PTCHD1: variants seen among roughly 807,000 people sequenced by gnomAD.
PTCHD1 encodes patched domain containing 1.
In PTCHD1, 3 loss-of-function variants were observed where a neutral mutation model predicts 34.6. The observed-to-expected ratio is 0.09, with a 90% CI of 0.04 to 0.22. The LOEUF (loss-of-function observed/expected upper bound fraction) is 0.22, where lower values mean the gene tolerates loss of function less well. Ranked by LOEUF, PTCHD1 falls within the 10% of genes least tolerant of loss-of-function variation. PTCHD1 has a pLI of 1.00. For synonymous variants in PTCHD1, 305 were observed against 283.1 expected (o/e 1.08, Z -0.77); for missense variants, 504 against 685.5 (o/e 0.74, Z 2.96).
chrX:23,392,224 A>G lies in PTCHD1; in HGVS notation c.1013-307A>G, dbSNP rs189986215. Among the ~76,000 whole-genome samples the G allele has an allele frequency of 4.5e-3, 489 of 108,858 alleles. 3 individuals carry two copies. The highest frequency in any genetic ancestry group is 6.8e-3 in the Non-Finnish European group (358 of 52,455). The allele number at this position is 108,858 out of a possible 115,157, so 94.5% of individuals were successfully genotyped here. On this transcript the variant is annotated intron_variant, in intron 2 of 2. Transcript: ENST00000379361. ...CATGACTGGCTCTACTCAGCTTTCT[A>G]TAGGCAAAAGTTCATCTAAGTGCTG...
intron 1 of PTCHD1, among the ~76,000 whole-genome samples, chrX:23,360,368 T>C (rs1298026812): frequency 1.8e-5 from 2 of 112,080 alleles, no homozygotes; most frequent in East Asian, 2.8e-4. Context: ...CTTCCTGGTT[T>C]AGTCTTGGGA....
chrX:23,369,691 C>A (rs1922230012), intron 1 of PTCHD1, among the ~76,000 whole-genome samples: 1 of 111,716 alleles, frequency 9.0e-6, no homozygotes, highest in Admixed American at 9.5e-5. Context: ...CTTCTTTTAC[C>A]CCTACCATCT....
Position 23,380,370 on chromosome X carries a change from C to G in PTCHD1, c.1012+119C>G. The G allele has an allele frequency of 4.1e-6, 3 of 724,790 alleles. No individual in the cohort carries two copies. The South Asian group carries it at 6.6e-5, about 16-fold the overall frequency. 59.7% of individuals were successfully genotyped at this position (724,790 alleles called of 1,213,427 possible). ...CATTTAACAGTATCTTCATTTTGCC[C>G]AAAAGTCCTGGGACCCACTCTATAA... On this transcript the variant is annotated intron_variant, in intron 2 of 2. Coordinates refer to ENST00000379361, the MANE Select transcript of PTCHD1 (RefSeq NM_173495.3).
chrX:23,378,299 G>A (rs1023018953), intron 1 of PTCHD1, among the ~76,000 whole-genome samples: 2 of 111,716 alleles, frequency 1.8e-5, no homozygotes, highest in African/African-American at 6.5e-5. Context: ...GCCTCCCTGA[G>A]CCCCAGTTTT....
intron 1 of PTCHD1, among the ~76,000 whole-genome samples, chrX:23,375,097 G>T (rs1922374303): frequency 9.0e-6 from 1 of 111,375 alleles, no homozygotes; most frequent in Non-Finnish European, 1.9e-5. Flanking sequence ...AAGAAAAATC[G>T]TTAAACTCTA....
intron 1 of PTCHD1, among the ~76,000 whole-genome samples, chrX:23,360,373 T>G (rs1308276836): frequency 8.9e-6 from 1 of 112,099 alleles, no homozygotes; most frequent in African/African-American, 3.2e-5. Context: ...TGGTTTAGTC[T>G]TGGGAGGTTG....
At chrX:23,387,292 T>C (rs7889469) in intron 2 of PTCHD1, among the ~76,000 whole-genome samples, 11,410 of 111,265 alleles carry the variant, frequency 0.1, 1,003 homozygotes, top group African/African-American at 0.28. Flanking sequence ...TAAACAACCC[T>C]GAAGGCTTTG....
chrX:23,389,393 T>C (rs1290558761), intron 2 of PTCHD1, among the ~76,000 whole-genome samples: 1 of 111,859 alleles, frequency 8.9e-6, no homozygotes, highest in Admixed American at 9.4e-5. Flanking sequence ...CCTTAAGAGG[T>C]GACCACAGCT....
chrX:23,366,318 G>C (rs1347105284), intron 1 of PTCHD1, among the ~76,000 whole-genome samples: 1 of 112,196 alleles, frequency 8.9e-6, no homozygotes, highest in Non-Finnish European at 1.9e-5. Flanking sequence ...TTCATCCGCT[G>C]ATAAAATCTT....
intron 1 of PTCHD1, among the ~76,000 whole-genome samples, chrX:23,358,988 T>C (rs1329688119): frequency 2.7e-5 from 3 of 112,060 alleles, no homozygotes; most frequent in Non-Finnish European, 5.6e-5. Flanking sequence ...GAGGCATCTG[T>C]TCTGTTCCAT....
chrX:23,392,632 A>G lies in PTCHD1; in HGVS notation c.1114A>G (p.Met372Val). The change falls in exon 3 of 3, where the codon ATG becomes GTG. Residue 372 changes from methionine to valine, a missense_variant. Physicochemically the swap from Met to Val is conservative, Grantham distance 21. Transcript: ENST00000379361. The stretch of plus-strand genomic sequence containing the variant: ...AACTGCAGCAGTCTATGCAGACTCC[A>G]TGCTCTCCTTTTCTCTCACCACTGC... ...ERTAAVYADS[M>V]LSFSLTTAMY... 3 of 1,209,377 alleles carry G rather than the reference A, an allele frequency of 2.5e-6. No homozygotes were observed. Among genetic ancestry groups the G allele is most frequent in the East Asian group, 3.0e-5 (1 of 33,851 alleles).
intron 1 of PTCHD1, among the ~76,000 whole-genome samples, chrX:23,366,793 A>T (rs1488710981): frequency 9.0e-6 from 1 of 111,454 alleles, no homozygotes; most frequent in Non-Finnish European, 1.9e-5. Flanking sequence ...ACATGGCTTC[A>T]GGTAAGATTT....
Position 23,337,267 on chromosome X carries a change from G to A in PTCHD1, c.351+2041G>A, listed in dbSNP as rs764740646. Among the ~76,000 whole-genome samples, 9 of 112,286 alleles carry A rather than the reference G, an allele frequency of 8.0e-5. No individual in the cohort carries two copies. In the South Asian group the frequency reaches 3.4e-3, roughly 42 times the overall value. On this transcript the variant is annotated intron_variant, in intron 1 of 2. Coordinates refer to ENST00000379361, the MANE Select transcript of PTCHD1 (RefSeq NM_173495.3). Reference sequence around the variant, plus strand: ...ATGGTTTTTCATCTTCTAGGTGTCTGAGTAAAATCAAAACCAAGCCTAGCA... The same window carrying A: ...ATGGTTTTTCATCTTCTAGGTGTCTAAGTAAAATCAAAACCAAGCCTAGCA...
intron 1 of PTCHD1, among the ~76,000 whole-genome samples, chrX:23,378,537 A>G (rs1352108301): frequency 8.9e-6 from 1 of 112,142 alleles, no homozygotes; most frequent in Non-Finnish European, 1.9e-5. Flanking sequence ...CAAGAACCTT[A>G]GGTATTCAGA....
rs924757142 is a variant in PTCHD1 at position 23,384,158 on chromosome X, C to T, written c.1012+3907C>T. 2.7e-5 allele frequency among the ~76,000 whole-genome samples: 3 copies of T among 112,369 alleles called. No individual in the cohort carries two copies. The Admixed American group carries it at 2.8e-4, about 11-fold the overall frequency. ...TCTGGAAGGTTTGTTGCTTCATGTACATCCTGTACAGCTAAAAAGGAGAAT... is the reference window on the plus strand; with the variant it reads ...TCTGGAAGGTTTGTTGCTTCATGTATATCCTGTACAGCTAAAAAGGAGAAT... On this transcript the variant is annotated intron_variant, in intron 2 of 2. Transcript: ENST00000379361.
At chrX:23,339,448 A>G (rs1921252716) in intron 1 of PTCHD1, among the ~76,000 whole-genome samples, 1 of 112,246 alleles carries the variant, frequency 8.9e-6, no homozygotes. Flanking sequence ...ACATTCTTCC[A>G]TTTACTAGGA....
chrX:23,372,004 T>C (rs2146635763), intron 1 of PTCHD1, among the ~76,000 whole-genome samples: 1 of 111,241 alleles, frequency 9.0e-6, no homozygotes, highest in Non-Finnish European at 1.9e-5. Context: ...CCAGGCACTG[T>C]TCTAGTTAAT....
chrX:23,371,566 G>A (rs759907577), intron 1 of PTCHD1, among the ~76,000 whole-genome samples: 9 of 111,585 alleles, frequency 8.1e-5, no homozygotes, highest in Non-Finnish European at 1.7e-4. Flanking sequence ...TAGTGCCCCA[G>A]TATTTCCACA....
Position 23,404,087 on chromosome X carries a change from A to G in PTCHD1, c.*9902A>G, listed in dbSNP as rs1923182747. ...TCATGCTTGCACATCGAGTTTATAC[A>G]ATGTAGAAGCCCCCAAGTCACCTGG... On this transcript the variant is annotated 3_prime_UTR_variant, in exon 3 of 3. Coordinates refer to ENST00000379361, the MANE Select transcript of PTCHD1 (RefSeq NM_173495.3). 1 of 112,259 alleles carries G rather than the reference A, an allele frequency of 8.9e-6. No individual in the cohort carries two copies. The highest frequency in any genetic ancestry group is 1.9e-5 in the Non-Finnish European group (1 of 53,284). 9.3% of individuals were successfully genotyped at this position (112,259 alleles called of 1,213,427 possible). A position where few individuals can be genotyped will look rare whatever the true frequency, so the allele number is the denominator to read the frequency against.
Sources: allele counts gnomAD v4.1 joint callset (sites outside exome capture counted in the v4.1 genomes callset), GRCh38; gene constraint gnomAD v4.1.1; transcripts MANE v1.5; gene names NCBI Gene and HGNC (gene_info 2026-07-23, HGNC 2026-07-21).